NUP214: variants seen among roughly 807,000 people sequenced by gnomAD.
NUP214 encodes the protein nucleoporin 214.
In NUP214, 79 loss-of-function variants were observed where a neutral mutation model predicts 196.2. The observed-to-expected ratio is 0.40, with a 90% confidence interval of 0.34 to 0.49. NUP214 has a LOEUF of 0.49. NUP214 is among the 20% of genes least tolerant of loss of function. The pLI is 0.58. For missense variants in NUP214, 2,468 were observed against 2,539.0 expected (o/e 0.97, Z 0.60); for synonymous variants, 1,020 against 990.5 (o/e 1.03, Z -0.56).
rs544695286 is a variant in NUP214, at chr9:131,192,275, C to T, written c.3642C>T (p.Phe1214=). 6.9e-6 allele frequency: 10 copies of T among 1,448,146 alleles called. No homozygotes were observed. The highest frequency in any genetic ancestry group is 8.3e-6 in the Non-Finnish European group (9 of 1,083,304). 89.7% of individuals were successfully genotyped at this position (1,448,146 alleles called of 1,614,324 possible). ...PSASGQFSKP[F]SFSPSGTGFN... is the part of the protein sequence containing the mutation. ...CTTCTGGGCAGTTCAGCAAGCCTTTCTCATTTTCTCCATCAGGGTCAGTAA... is the reference window on the plus strand; with the variant it reads ...CTTCTGGGCAGTTCAGCAAGCCTTTTTCATTTTCTCCATCAGGGTCAGTAA... Residue 1214 remains phenylalanine, a synonymous_variant, in exon 27 of 36, where the codon TTC becomes TTT. Transcript: ENST00000359428.
In NUP214 at chr9:131,198,265, C is replaced by T. The variant is rs1371695302; in HGVS notation, c.4771C>T (p.Pro1591Ser). ...AVPPASSFSVPGQTAVTAAAI... is the reference protein window; with the variant it reads ...AVPPASSFSVSGQTAVTAAAI... ...ACCACCTGCTTCCTCCTTTTCTGTG[C>T]CTGGGCAGACTGCTGTCACAGCAGC... The change falls in exon 29 of 36, where the codon CCT becomes TCT. Residue 1591 changes from proline (P) to serine (S), a missense_variant. Pro to Ser is a moderately conservative substitution (Grantham distance 74). Transcript: ENST00000359428. 5.0e-6 allele frequency: 8 copies of T among 1,614,218 alleles called. No individual in the cohort carries two copies. Among genetic ancestry groups the T allele is most frequent in the Non-Finnish European group, 5.9e-6 (7 of 1,180,042 alleles).
In NUP214 at chr9:131,141,590, CA is replaced by C. The variant is rs1168095305; in HGVS notation, c.1294+881del. ...CCCTAATCTCCCAGGCTCAGGCAGT[CA>C]CCTAAGCCTCCCAAGTAGCTGGAAC... On this transcript the variant is annotated intron_variant, in intron 11 of 35. Transcript: ENST00000359428. 1.1e-4 allele frequency: 17 copies of C among 149,672 alleles called. 1 individual carries two copies. The highest frequency in any genetic ancestry group is 1.1e-3 in the Admixed American group (16 of 14,814). 9.3% of individuals were successfully genotyped at this position (149,672 alleles called of 1,614,324 possible). A position where few individuals can be genotyped will look rare whatever the true frequency, so the allele number is the denominator to read the frequency against.
intron 21 of NUP214, among the ~76,000 whole-genome samples, chr9:131,170,399 A>G (rs1233236344): frequency 6.6e-6 from 1 of 152,206 alleles, no homozygotes; most frequent in Non-Finnish European, 1.5e-5. Flanking sequence ...TTGAGTCTCT[A>G]GATCAACTTG....
intron 31 of NUP214, among the ~76,000 whole-genome samples, chr9:131,217,051 A>C (rs1021578807): frequency 1.3e-5 from 2 of 152,192 alleles, no homozygotes; most frequent in African/African-American, 4.8e-5. Flanking sequence ...CAGTCATGAC[A>C]GATGTTTCCT....
chr9:131,221,946 A>G (rs1278691306), intron 31 of NUP214, among the ~76,000 whole-genome samples: 3 of 150,980 alleles, frequency 2.0e-5, no homozygotes, highest in Non-Finnish European at 2.9e-5. Flanking sequence ...ATCTATTATT[A>G]TCTGTCAGGT....
chr9:131,211,809 G>A (rs1834248266), intron 30 of NUP214, among the ~76,000 whole-genome samples: 1 of 152,120 alleles, frequency 6.6e-6, no homozygotes, highest in African/African-American at 2.4e-5. Flanking sequence ...TGTTGCCTCA[G>A]GACCCTGTGA....
rs2133477896 is a variant in NUP214, at chr9:131,140,785, G to A, written c.1294+75G>A. The A allele has an allele frequency of 2.8e-6, 4 of 1,420,812 alleles. No individual in the cohort carries two copies. The East Asian group carries it at 9.1e-5, about 32-fold the overall frequency. The allele number at this position is 1,420,812 out of a possible 1,614,324, so 88.0% of individuals were successfully genotyped here. A position where few individuals can be genotyped will look rare whatever the true frequency, so the allele number is the denominator to read the frequency against. On this transcript the variant is annotated intron_variant, in intron 11 of 35. Coordinates refer to ENST00000359428, the MANE Select transcript of NUP214 (RefSeq NM_005085.4). Reference sequence around the variant, plus strand: ...CAAGAGTATTTCCAAGAATGAACATGGTGTGAAGACACATAGTGATTATCT... The same window carrying A: ...CAAGAGTATTTCCAAGAATGAACATAGTGTGAAGACACATAGTGATTATCT...
At chr9:131,220,792 C>T (rs1400826233) in intron 31 of NUP214, among the ~76,000 whole-genome samples, 1 of 152,188 alleles carries the variant, frequency 6.6e-6, no homozygotes, top group Non-Finnish European at 1.5e-5. Flanking sequence ...GCAAACTTCA[C>T]TGCTTGTTCC....
chr9:131,150,560 G>A, intron 15 of NUP214, 56 bp from the exon 16 acceptor site: 9 of 1,598,018 alleles, frequency 5.6e-6, no homozygotes, highest in Non-Finnish European at 7.7e-6. Flanking sequence ...CACGATAGCA[G>A]TGACATTACT....
chr9:131,219,508 CTTGGAG>C (rs1834497667), intron 31 of NUP214, among the ~76,000 whole-genome samples: 1 of 152,202 alleles, frequency 6.6e-6, no homozygotes, highest in Non-Finnish European at 1.5e-5. Flanking sequence ...AACACCAGTA[CTTGGAG>C]TTGGCATGTT....
chr9:131,161,498 C>T (rs1301399393), intron 18 of NUP214, among the ~76,000 whole-genome samples: 1 of 152,090 alleles, frequency 6.6e-6, no homozygotes, highest in Non-Finnish European at 1.5e-5. Context: ...ACCTCGTGAT[C>T]CACCCACCTC....
At chr9:131,214,617 G>T (rs1363146770) in intron 30 of NUP214, among the ~76,000 whole-genome samples, 1 of 152,186 alleles carries the variant, frequency 6.6e-6, no homozygotes, top group Non-Finnish European at 1.5e-5. Flanking sequence ...GTCAGCATTT[G>T]CCCCTGTGCT....
At position 131,146,520 on chromosome 9, in the gene NUP214, T is replaced by C. The variant is rs555736998; in HGVS notation, c.1945+216T>C. Among the ~76,000 whole-genome samples the C allele has an allele frequency of 6.6e-6, 1 of 152,254 alleles. No homozygotes were observed. Among genetic ancestry groups the C allele is most frequent in the Non-Finnish European group, 1.5e-5 (1 of 68,044 alleles). ...CCACTCTTCTCTCTGACACTTCTTA[T>C]GGAGCTAAGTGTATTTAATGAGTCA... On this transcript the variant is annotated intron_variant, in intron 13 of 35. Transcript: ENST00000359428. This position sits in a 1 kb window ranked among gnomAD's most constrained non-coding sequence, Gnocchi z 4.6.
chr9:131,208,889 G>A lies in NUP214; in HGVS notation c.5593-6323G>A, dbSNP rs186353378. 3.1e-3 allele frequency among the ~76,000 whole-genome samples: 435 copies of A among 140,188 alleles called. 11 individuals are homozygous for A. The highest frequency in any genetic ancestry group is 1.3e-3 in the East Asian group (6 of 4,482). 92.0% of individuals were successfully genotyped at this position (140,188 alleles called of 152,430 possible). A position where few individuals can be genotyped will look rare whatever the true frequency, so the allele number is the denominator to read the frequency against. On this transcript the variant is annotated intron_variant, in intron 30 of 35. Transcript: ENST00000359428. ...TTAGCTGGGCATGGTGAAGCTCGCC[G>A]GTAGTCCCAGCTACTTGGGAGGCTG...
intron 11 of NUP214, among the ~76,000 whole-genome samples, chr9:131,143,708 A>G (rs1049410710): frequency 6.6e-6 from 1 of 151,706 alleles, no homozygotes; most frequent in Non-Finnish European, 1.5e-5. Context: ...AAAACATCTT[A>G]TTTGTCATTT....
chr9:131,186,242 T>C (rs183193980), intron 24 of NUP214, among the ~76,000 whole-genome samples: 1 of 152,378 alleles, frequency 6.6e-6, no homozygotes, highest in African/African-American at 2.4e-5. Context: ...TATTTATAGC[T>C]GCTTCTGGCT....
chr9:131,186,245 T>C (rs1025037951), intron 24 of NUP214, among the ~76,000 whole-genome samples: 1 of 152,244 alleles, frequency 6.6e-6, no homozygotes. Flanking sequence ...TTATAGCTGC[T>C]TCTGGCTTCA....
intron 24 of NUP214, among the ~76,000 whole-genome samples, chr9:131,180,298 A>G (rs1833236338): frequency 6.6e-6 from 1 of 152,256 alleles, no homozygotes. Flanking sequence ...TTTATTGAAT[A>G]ATAGGTAAAC....
intron 33 of NUP214, chr9:131,229,555 T>C (rs1834813957): frequency 2.5e-6 from 1 of 392,616 alleles, no homozygotes; most frequent in African/African-American, 2.1e-5. Flanking sequence ...ATATTCTGCC[T>C]TGGGGCGGCT....
Sources: gnomAD v4.1 joint callset for allele counts (sites outside exome capture counted in the v4.1 genomes callset) on GRCh38, gnomAD v4.1.1 for gene constraint, Gnocchi (gnomAD v3.1) non-coding constraint, MANE v1.5 for transcripts, NCBI Gene and HGNC (gene_info 2026-07-23, HGNC 2026-07-21) for gene names.